Variants in KCNIP4 observed in about 807,000 individuals in gnomAD.
KCNIP4 encodes Kv channel-interacting protein 4.
Under a neutral mutation model 34.0 loss-of-function variants are expected in KCNIP4, and 12 were observed. The ratio of observed to expected loss-of-function variants is 0.35; its 90% confidence interval spans 0.23 to 0.57. KCNIP4 has a LOEUF of 0.57. KCNIP4 is among the 20% of genes least tolerant of loss of function. KCNIP4 has a pLI of 0.83. For missense variants in KCNIP4, 238 were observed against 311.7 expected, an observed-to-expected ratio of 0.76 and a Z score of 1.78; for synonymous variants, 124 against 102.2, an observed-to-expected ratio of 1.21 and a Z score of -1.29.
At chr4:20,854,116 T>C (rs952489810) in intron 2 of KCNIP4, among the ~76,000 whole-genome samples, 1 of 152,190 alleles carries the variant, frequency 6.6e-6, no homozygotes, top group African/African-American at 2.4e-5. Context: ...GAACTACCAT[T>C]TGATCTAGCA....
At position 21,731,572 on chromosome 4, in the gene KCNIP4, G is replaced by T. The variant is rs143461835; in HGVS notation, c.61+216999C>A. On this transcript the variant is annotated intron_variant, in intron 1 of 8. Coordinates refer to ENST00000382152, the MANE Select transcript of KCNIP4 (RefSeq NM_025221.6). ...CATCCCCAAGTTATTATTAAATTAAGATATTTTTTATCACCACCCCAGCAC... is the reference window on the plus strand; with the variant it reads ...CATCCCCAAGTTATTATTAAATTAATATATTTTTTATCACCACCCCAGCAC... Among the ~76,000 whole-genome samples, 1,324 of 152,108 alleles carry T rather than the reference G, an allele frequency of 8.7e-3. 18 individuals are homozygous for T. The highest frequency in any genetic ancestry group is 0.038 in the South Asian group (184 of 4,808).
intron 3 of KCNIP4, among the ~76,000 whole-genome samples, chr4:20,839,407 T>C (rs761971783): frequency 6.6e-6 from 1 of 151,262 alleles, no homozygotes; most frequent in African/African-American, 2.4e-5. Flanking sequence ...TACACATAGA[T>C]ATAAGAATAT....
intron 1 of KCNIP4, among the ~76,000 whole-genome samples, chr4:21,356,786 T>A (rs1342398347): frequency 6.6e-6 from 1 of 152,146 alleles, no homozygotes; most frequent in African/African-American, 2.4e-5. Context: ...AAGCTACCAA[T>A]GACTTTCTTC....
intron 1 of KCNIP4, among the ~76,000 whole-genome samples, chr4:21,284,993 A>G (rs1413349705): frequency 6.6e-6 from 1 of 152,166 alleles, no homozygotes; most frequent in East Asian, 1.9e-4. Context: ...TCTGATGCCT[A>G]TATCAGTGCC....
At chr4:21,134,432 C>T (rs1367975901) in intron 1 of KCNIP4, among the ~76,000 whole-genome samples, 1 of 152,152 alleles carries the variant, frequency 6.6e-6, no homozygotes, top group Admixed American at 6.5e-5. Flanking sequence ...ATTGGTAAAG[C>T]TTCTGGCCAA....
intron 1 of KCNIP4, among the ~76,000 whole-genome samples, chr4:21,601,082 A>T (rs1246693606): frequency 2.0e-5 from 3 of 150,530 alleles, no homozygotes; most frequent in Non-Finnish European, 4.4e-5. Context: ...ACATCCCTTC[A>T]TTTAATCCCC....
intron 5 of KCNIP4, among the ~76,000 whole-genome samples, chr4:20,735,530 G>GTT (rs10542507): frequency 4.2e-4 from 46 of 109,716 alleles, no homozygotes; most frequent in East Asian, 1.9e-3. Context: ...TTTTTTTTTT[G>GTT]TTTTTTTTTT....
chr4:21,620,683 C>A (rs1328971369), intron 1 of KCNIP4, among the ~76,000 whole-genome samples: 1 of 152,160 alleles, frequency 6.6e-6, no homozygotes, highest in Non-Finnish European at 1.5e-5. Context: ...GAACAATCAG[C>A]CCTAGCTAAG....
At chr4:21,335,574 T>C (rs1452935674) in intron 1 of KCNIP4, among the ~76,000 whole-genome samples, 1 of 152,342 alleles carries the variant, frequency 6.6e-6, no homozygotes, top group Admixed American at 6.5e-5. Context: ...AAGGCAGTTA[T>C]TTTGTTCAGA....
intron 1 of KCNIP4, among the ~76,000 whole-genome samples, chr4:21,886,902 T>C (rs533896271): frequency 5.2e-4 from 79 of 152,244 alleles, no homozygotes; most frequent in Admixed American, 2.0e-3. Flanking sequence ...ATGCTTTTGC[T>C]TTAGAGAGTG....
At chr4:21,400,466 TCCTCTCC>T (rs1723392350) in intron 1 of KCNIP4, among the ~76,000 whole-genome samples, 1 of 27,568 alleles carries the variant, frequency 3.6e-5, no homozygotes. Flanking sequence ...TTCTTTCTGT[TCCTCTCC>T]TCTCCTCTCC....
intron 1 of KCNIP4, among the ~76,000 whole-genome samples, chr4:21,717,568 G>T (rs951127044): frequency 6.6e-6 from 1 of 152,090 alleles, no homozygotes; most frequent in Non-Finnish European, 1.5e-5. Flanking sequence ...AACCCATCTT[G>T]CAAGTTATGA....
chr4:20,879,028 G>C (rs942530923), intron 2 of KCNIP4, among the ~76,000 whole-genome samples: 2 of 151,866 alleles, frequency 1.3e-5, no homozygotes, highest in African/African-American at 4.8e-5. Flanking sequence ...GATATAAGAC[G>C]CTCAGAGTGA....
intron 2 of KCNIP4, among the ~76,000 whole-genome samples, chr4:20,854,340 G>A (rs1721352173): frequency 6.6e-6 from 1 of 152,184 alleles, no homozygotes; most frequent in African/African-American, 2.4e-5. Flanking sequence ...GGCATTTGGA[G>A]TGACCTGAAT....
intron 1 of KCNIP4, among the ~76,000 whole-genome samples, chr4:21,619,248 AAATAGAAAACT>A (rs1201391880): frequency 6.6e-6 from 1 of 152,248 alleles, no homozygotes; most frequent in Non-Finnish European, 1.5e-5. Context: ...TCACAAATTA[AAATAGAAAACT>A]AATGCGCTCC....
At chr4:21,816,894 C>T (rs1285829159) in intron 1 of KCNIP4, among the ~76,000 whole-genome samples, 3 of 152,102 alleles carry the variant, frequency 2.0e-5, no homozygotes, top group Admixed American at 2.0e-4. Flanking sequence ...ACCTCACTGC[C>T]CTTAGTTTCC....
At chr4:21,599,797 T>C (rs1742954219) in intron 1 of KCNIP4, among the ~76,000 whole-genome samples, 2 of 152,186 alleles carry the variant, frequency 1.3e-5, no homozygotes, top group Middle Eastern at 3.4e-3. Context: ...TGAAATGCTC[T>C]GGATGCCAGA....
At chr4:21,184,795 T>C (rs968949863) in intron 1 of KCNIP4, among the ~76,000 whole-genome samples, 9 of 152,260 alleles carry the variant, frequency 5.9e-5, no homozygotes, top group African/African-American at 2.2e-4. Context: ...ATTCTTGGTG[T>C]TGTCAATATG....
chr4:20,737,221 G>A (rs528891808), intron 5 of KCNIP4, among the ~76,000 whole-genome samples: 31 of 152,170 alleles, frequency 2.0e-4, no homozygotes, highest in Non-Finnish European at 2.9e-4. Context: ...AGCTGGCAAA[G>A]CATCTTGAAA....
Sources: gnomAD v4.1 joint callset for allele counts (sites outside exome capture counted in the v4.1 genomes callset) on GRCh38, gnomAD v4.1.1 for gene constraint, MANE v1.5 for transcripts, NCBI Gene and HGNC (gene_info 2026-07-23, HGNC 2026-07-21) for gene names.